Variants in THRB observed in about 807,000 individuals in gnomAD.
THRB encodes the protein nuclear receptor subfamily 1 group A member 2.
Under a neutral mutation model 47.8 loss-of-function variants are expected in THRB, and 12 were observed. That is an observed-to-expected ratio of 0.25 (90% CI 0.16 to 0.41). THRB has a LOEUF of 0.41. THRB is among the 10% of genes least tolerant of loss of function. THRB has a pLI of 1.00. For missense variants in THRB, 348 were observed against 589.2 expected (o/e 0.59, Z 4.24); for synonymous variants, 218 against 212.2 (o/e 1.03, Z -0.24).
At chr3:24,410,300 T>C (rs1443595694) in intron 1 of THRB, among the ~76,000 whole-genome samples, 1 of 151,840 alleles carries the variant, frequency 6.6e-6, no homozygotes, top group Admixed American at 6.6e-5. Context: ...CATTCTGAAA[T>C]TGAGACTATA....
At chr3:24,303,646 T>C (rs2057117696) in intron 2 of THRB, among the ~76,000 whole-genome samples, 1 of 152,204 alleles carries the variant, frequency 6.6e-6, no homozygotes, top group South Asian at 2.1e-4. Context: ...TATGCAACAT[T>C]ACTGGGACAA....
At chr3:24,315,143 C>G (rs1050529988) in intron 2 of THRB, among the ~76,000 whole-genome samples, 2 of 152,180 alleles carry the variant, frequency 1.3e-5, no homozygotes, top group African/African-American at 4.8e-5. Context: ...GAGAAGTTGT[C>G]CATTGGAAGC....
chr3:24,194,338 G>A (rs546913090), intron 4 of THRB, among the ~76,000 whole-genome samples: 119 of 76,040 alleles, frequency 1.6e-3, no homozygotes, highest in Non-Finnish European at 2.6e-3. Flanking sequence ...GCACACAGTA[G>A]TAGAAGTAAT....
chr3:24,222,310 G>A lies in THRB; in HGVS notation c.22+6628C>T, dbSNP rs558171460. On this transcript the variant is annotated intron_variant, in intron 4 of 10. Coordinates refer to ENST00000646209, the MANE Select transcript of THRB (RefSeq NM_001354712.2). Reference sequence around the variant, plus strand: ...CCTTCCTTTGCTTTCCAAGGTAAGTGAGGTCCCAAGGAAGATCTGTTTATT... The same window carrying A: ...CCTTCCTTTGCTTTCCAAGGTAAGTAAGGTCCCAAGGAAGATCTGTTTATT... Among the ~76,000 whole-genome samples the A allele has an allele frequency of 7.2e-5, 11 of 152,304 alleles. No homozygotes were observed. In the East Asian group the frequency reaches 1.9e-3, roughly 27 times the overall value.
At position 24,251,375 on chromosome 3, in the gene THRB, T is replaced by C. The variant is rs1171578008; in HGVS notation, c.-42-22374A>G. Among the ~76,000 whole-genome samples, 11 of 152,154 alleles carry C rather than the reference T, an allele frequency of 7.2e-5. No individual in the cohort carries two copies. The South Asian group carries it at 1.0e-3, about 14-fold the overall frequency. ...CTAGAAAACATTTTAACAGGTCTCA[T>C]GTGTAAAGATATCCCAAAGCTGATT... On this transcript the variant is annotated intron_variant, in intron 3 of 10. Transcript: ENST00000646209.
chr3:24,459,832 C>T (rs1452118174), intron 1 of THRB, among the ~76,000 whole-genome samples: 4 of 151,910 alleles, frequency 2.6e-5, no homozygotes, highest in Admixed American at 2.6e-4. Context: ...TCTTTAAGTT[C>T]TAATATCCAG....
chr3:24,435,875 C>T (rs907195804), intron 1 of THRB, among the ~76,000 whole-genome samples: 7 of 152,308 alleles, frequency 4.6e-5, no homozygotes, highest in Non-Finnish European at 1.0e-4. Context: ...GATTAGGCCT[C>T]AGTATAATTC....
chr3:24,202,339 C>T (rs2149737987), intron 4 of THRB, among the ~76,000 whole-genome samples: 1 of 152,226 alleles, frequency 6.6e-6, no homozygotes, highest in East Asian at 1.9e-4. Flanking sequence ...GTTTCAAATT[C>T]TGATATTTGA....
intron 1 of THRB, among the ~76,000 whole-genome samples, chr3:24,400,678 A>T (rs1263285375): frequency 6.6e-6 from 1 of 152,016 alleles, no homozygotes; most frequent in East Asian, 1.9e-4. Context: ...GTAGGTCTAT[A>T]TATATTTCAT....
At position 24,351,225 on chromosome 3, in the gene THRB, A is replaced by T. The variant is rs576161044; in HGVS notation, c.-260-13854T>A. On this transcript the variant is annotated intron_variant, in intron 1 of 10. Transcript: ENST00000646209. ...ATACCCTTAGATCAGTAGTTTTAAAACTTTCTTTGCCATGGCCACAGAGAG... is the reference window on the plus strand; with the variant it reads ...ATACCCTTAGATCAGTAGTTTTAAATCTTTCTTTGCCATGGCCACAGAGAG... 8.5e-5 allele frequency among the ~76,000 whole-genome samples: 13 copies of T among 152,130 alleles called. No individual in the cohort carries two copies. In the South Asian group the frequency reaches 2.5e-3, roughly 29 times the overall value.
At chr3:24,405,511 A>G (rs1221679803) in intron 1 of THRB, among the ~76,000 whole-genome samples, 1 of 151,884 alleles carries the variant, frequency 6.6e-6, no homozygotes, top group Non-Finnish European at 1.5e-5. Context: ...TTTACTACAT[A>G]TTTGTAATAC....
chr3:24,495,506 T>A (rs1450467498), upstream of THRB: 1 of 152,558 alleles, frequency 6.6e-6, no homozygotes, highest in African/African-American at 2.4e-5. Context: ...CCCCTCCTCC[T>A]AATCCCGGCC....
At chr3:24,255,280 C>T (rs549065860) in intron 3 of THRB, among the ~76,000 whole-genome samples, 5 of 152,108 alleles carry the variant, frequency 3.3e-5, no homozygotes, top group Non-Finnish European at 7.3e-5. Context: ...TCTTTGAGTG[C>T]CTTTTACTGA....
intron 3 of THRB, among the ~76,000 whole-genome samples, chr3:24,244,323 A>C (rs935323434): frequency 6.6e-6 from 1 of 152,196 alleles, no homozygotes; most frequent in African/African-American, 2.4e-5. Flanking sequence ...TTAAAGACAG[A>C]GCTGAAAAAG....
chr3:24,421,036 A>AT (rs551153422), intron 1 of THRB, among the ~76,000 whole-genome samples: 140 of 152,118 alleles, frequency 9.2e-4, no homozygotes, highest in Non-Finnish European at 1.6e-3. Context: ...GAATGAGGTC[A>AT]TATCTTTTGC....
At chr3:24,189,768 A>G (rs773834641) in intron 5 of THRB, among the ~76,000 whole-genome samples, 5 of 152,238 alleles carry the variant, frequency 3.3e-5, no homozygotes, top group Non-Finnish European at 7.3e-5. Context: ...GTTTCTACTC[A>G]GACCCAAAAA....
At chr3:24,147,506 C>T (rs545781852) in intron 6 of THRB, among the ~76,000 whole-genome samples, 39 of 152,306 alleles carry the variant, frequency 2.6e-4, no homozygotes, top group Non-Finnish European at 4.9e-4. Flanking sequence ...TCTTTGGTAT[C>T]TGTAGACATA....
At chr3:24,261,186 A>G (rs1249799312) in intron 3 of THRB, among the ~76,000 whole-genome samples, 2 of 108,406 alleles carry the variant, frequency 1.8e-5, no homozygotes, top group Non-Finnish European at 3.6e-5. Context: ...ACTAGCAAAC[A>G]TGTTATTTCC....
chr3:24,291,748 G>T (rs968441409), intron 3 of THRB, among the ~76,000 whole-genome samples: 2 of 152,046 alleles, frequency 1.3e-5, no homozygotes, highest in Admixed American at 1.3e-4. Flanking sequence ...TACATTTCTT[G>T]CAAAATATAA....
Sources: gnomAD v4.1 joint callset for allele counts (sites outside exome capture counted in the v4.1 genomes callset) on GRCh38, gnomAD v4.1.1 for gene constraint, MANE v1.5 for transcripts, NCBI Gene and HGNC (gene_info 2026-07-23, HGNC 2026-07-21) for gene names.